The following ROBO2 variants were observed in gnomAD, a reference collection of about 807,000 sequenced individuals.
ROBO2 encodes roundabout homolog 2.
In ROBO2, 53 loss-of-function variants were observed where a neutral mutation model predicts 160.8. That is an observed-to-expected ratio of 0.33 (90% CI 0.26 to 0.41). The LOEUF is 0.41. Ranked by LOEUF, ROBO2 falls within the 10% of genes least tolerant of loss-of-function variation. The probability of loss-of-function intolerance (pLI) is 1.00; values close to 1 mark genes in which losing one functional copy is unlikely to be tolerated. For missense variants in ROBO2, 1,577 were observed against 1,722.4 expected (o/e 0.92, Z 1.49); for synonymous variants, 664 against 611.7 (o/e 1.09, Z -1.26).
At chr3:76,903,382 T>C (rs2075365755) in intron 2 of ROBO2, among the ~76,000 whole-genome samples, 1 of 152,116 alleles carries the variant, frequency 6.6e-6, no homozygotes, top group Non-Finnish European at 1.5e-5. Flanking sequence ...TTTTCCACTC[T>C]CTCTTCAGTG....
chr3:76,800,361 T>C (rs375453193), intron 2 of ROBO2, among the ~76,000 whole-genome samples: 1 of 152,108 alleles, frequency 6.6e-6, no homozygotes, highest in Non-Finnish European at 1.5e-5. Flanking sequence ...AAGGCAAAAA[T>C]GGCTGAATGG....
At chr3:77,410,686 C>T (rs1393050946) in intron 2 of ROBO2, among the ~76,000 whole-genome samples, 5 of 143,556 alleles carry the variant, frequency 3.5e-5, no homozygotes, top group African/African-American at 1.3e-4. Flanking sequence ...TCCTCCTCCT[C>T]TTCCTCCTCC....
intron 2 of ROBO2, among the ~76,000 whole-genome samples, chr3:77,216,871 C>T (rs981768910): frequency 6.6e-6 from 1 of 151,702 alleles, no homozygotes; most frequent in Admixed American, 6.6e-5. Context: ...GCTTATATTA[C>T]TGTATTTAAA....
intron 2 of ROBO2, among the ~76,000 whole-genome samples, chr3:76,026,498 A>G (rs2066751525): frequency 6.6e-6 from 1 of 151,970 alleles, no homozygotes; most frequent in Admixed American, 6.6e-5. Context: ...CAATAAGAGC[A>G]GCTGTAAGGA....
chr3:77,133,660 T>A (rs2076041916), intron 2 of ROBO2, among the ~76,000 whole-genome samples: 1 of 152,180 alleles, frequency 6.6e-6, no homozygotes, highest in South Asian at 2.1e-4. Context: ...CTAATGAAAA[T>A]TCACCCTGTA....
intron 2 of ROBO2, among the ~76,000 whole-genome samples, chr3:76,021,254 A>G (rs2066566957): frequency 1.3e-5 from 2 of 151,822 alleles, no homozygotes; most frequent in African/African-American, 4.8e-5. Flanking sequence ...TCATATTGCC[A>G]TCATAGAAGC....
intron 2 of ROBO2, among the ~76,000 whole-genome samples, chr3:76,868,943 T>A (rs1378430920): frequency 6.6e-6 from 1 of 152,162 alleles, no homozygotes; most frequent in Non-Finnish European, 1.5e-5. Context: ...TTTTTCAGAA[T>A]GGATAACTAG....
intron 5 of ROBO2, among the ~76,000 whole-genome samples, chr3:77,501,235 A>G (rs2087553724): frequency 6.6e-6 from 1 of 152,124 alleles, no homozygotes; most frequent in African/African-American, 2.4e-5. Context: ...ATATCACACA[A>G]GTGGATGGAG....
intron 2 of ROBO2, among the ~76,000 whole-genome samples, chr3:75,956,253 T>C (rs1363869077): frequency 6.6e-6 from 1 of 151,794 alleles, no homozygotes; most frequent in Non-Finnish European, 1.5e-5. Context: ...TAAATCACTG[T>C]GCTCAGTAGT....
rs944416165 is a variant in ROBO2, at chr3:76,961,264, A to C, written c.110-136750A>C. Among the ~76,000 whole-genome samples the C allele has an allele frequency of 3.8e-3, 575 of 151,710 alleles. 2 individuals are homozygous for C. The highest frequency in any genetic ancestry group is 6.0e-3 in the Non-Finnish European group (406 of 67,874). ...GCCACAGAGAAAAAAAAAAAAAAAA[A>C]AAAACACTAGTTTAGATTTCTTAGC... On this transcript the variant is annotated intron_variant, in intron 2 of 26. Transcript: ENST00000487694.
chr3:76,073,456 T>A (rs558488331), intron 2 of ROBO2, among the ~76,000 whole-genome samples: 1 of 151,628 alleles, frequency 6.6e-6, no homozygotes, highest in African/African-American at 2.4e-5. Context: ...CACGCCCGGC[T>A]AATTTTTTGT....
At chr3:77,092,640 T>C (rs1487270137) in intron 1 of ROBO2, among the ~76,000 whole-genome samples, 1 of 147,138 alleles carries the variant, frequency 6.8e-6, no homozygotes, top group Non-Finnish European at 1.5e-5. Flanking sequence ...TAAATTTGTA[T>C]ATATTTTAAC....
chr3:77,077,048 T>C (rs751508895), intron 1 of ROBO2, among the ~76,000 whole-genome samples: 3 of 152,176 alleles, frequency 2.0e-5, no homozygotes, highest in Non-Finnish European at 1.5e-5. Flanking sequence ...AACACAATGA[T>C]GACATACAGC....
At chr3:76,108,156 G>C (rs2070031741) in intron 2 of ROBO2, among the ~76,000 whole-genome samples, 1 of 151,990 alleles carries the variant, frequency 6.6e-6, no homozygotes, top group African/African-American at 2.4e-5. Context: ...GCCATCTACT[G>C]GGTTGTGTTC....
At position 76,401,337 on chromosome 3, in the gene ROBO2, C is replaced by A. The variant is rs1318814154; in HGVS notation, c.109+463735C>A. ...TAGTGCCCATTCTAATTTGAAGATGCTAGACCCTGAGCACTTGGAAGGTAA... is the reference window on the plus strand; with the variant it reads ...TAGTGCCCATTCTAATTTGAAGATGATAGACCCTGAGCACTTGGAAGGTAA... On this transcript the variant is annotated intron_variant, in intron 2 of 26. Transcript: ENST00000487694. Among the ~76,000 whole-genome samples the A allele has an allele frequency of 2.6e-5, 4 of 151,472 alleles. No individual in the cohort carries two copies. In the East Asian group the frequency reaches 7.7e-4, roughly 29 times the overall value.
intron 2 of ROBO2, among the ~76,000 whole-genome samples, chr3:76,402,612 T>C (rs2077899935): frequency 1.3e-5 from 2 of 151,584 alleles, no homozygotes; most frequent in South Asian, 4.1e-4. Context: ...AGAACCCGTT[T>C]CCTACTGATA....
At chr3:76,891,469 A>G (rs1354173469) in intron 2 of ROBO2, among the ~76,000 whole-genome samples, 1 of 152,164 alleles carries the variant, frequency 6.6e-6, no homozygotes, top group Admixed American at 6.6e-5. Context: ...TCGTGGATCT[A>G]TTGGTTTTTC....
intron 2 of ROBO2, among the ~76,000 whole-genome samples, chr3:76,832,566 A>G (rs1394091048): frequency 2.6e-5 from 4 of 152,160 alleles, no homozygotes; most frequent in African/African-American, 4.8e-5. Flanking sequence ...ACCAGAGTTA[A>G]TGGAGGTAGG....
intron 2 of ROBO2, among the ~76,000 whole-genome samples, chr3:76,886,371 T>C (rs1322345820): frequency 6.6e-6 from 1 of 151,870 alleles, no homozygotes; most frequent in African/African-American, 2.4e-5. Flanking sequence ...AAGGAATAAA[T>C]GTTTGCAGAC....
Sources: gnomAD v4.1 joint callset for allele counts (sites outside exome capture counted in the v4.1 genomes callset) on GRCh38, gnomAD v4.1.1 for gene constraint, MANE v1.5 for transcripts, NCBI Gene and HGNC (gene_info 2026-07-23, HGNC 2026-07-21) for gene names.